Variants in WWP2 observed in about 807,000 individuals in gnomAD.
WWP2 encodes WW domain containing E3 ubiquitin protein ligase 2.
Under a neutral mutation model 121.0 loss-of-function variants are expected in WWP2, and 57 were observed. That is an observed-to-expected ratio of 0.47 (90% CI 0.38 to 0.59). The LOEUF (loss-of-function observed/expected upper bound fraction) is 0.59, where lower values mean the gene tolerates loss of function less well. WWP2 is among the 20% of genes least tolerant of loss of function. WWP2 has a pLI of 0.00. For missense variants in WWP2, 962 were observed against 1,158.9 expected (o/e 0.83, Z 2.47); for synonymous variants, 449 against 441.3 (o/e 1.02, Z -0.22).
At chr16:69,895,053 C>T (rs1344729196) in intron 8 of WWP2, 1 of 152,206 alleles carries the variant, frequency 6.6e-6, no homozygotes, top group Non-Finnish European at 1.5e-5. Flanking sequence ...CTGGATCTTT[C>T]GGATTTGCCA....
At position 69,856,121 on chromosome 16, in the gene WWP2, A is replaced by G. The variant is rs147816344; in HGVS notation, c.575+14001A>G. On this transcript the variant is annotated intron_variant, in intron 6 of 23. Transcript: ENST00000359154. Reference sequence around the variant, plus strand: ...ACTCCCATCTCTAAAAAAGATGTATATTTATTTGGTCTGACAAATAAAAAG... The same window carrying G: ...ACTCCCATCTCTAAAAAAGATGTATGTTTATTTGGTCTGACAAATAAAAAG... 2.2e-3 allele frequency among the ~76,000 whole-genome samples: 333 copies of G among 152,282 alleles called. 2 individuals are homozygous for G. Among genetic ancestry groups the G allele is most frequent in the South Asian group, 5.6e-3 (27 of 4,826 alleles).
In WWP2 at chr16:69,776,604, C is replaced by T. The variant is rs184425084; in HGVS notation, c.-15-10392C>T. 7.6e-4 allele frequency among the ~76,000 whole-genome samples: 115 copies of T among 152,138 alleles called. 1 individual carries two copies. The highest frequency in any genetic ancestry group is 1.4e-3 in the Non-Finnish European group (97 of 67,988). On this transcript the variant is annotated intron_variant, in intron 1 of 23. Coordinates refer to ENST00000359154, the MANE Select transcript of WWP2 (RefSeq NM_001270454.2). ...CAGCACTTTGGGAGGCCAAGGTGGG[C>T]GGATCACCTGAGGTCAGGTGTTCGA... is the stretch of plus-strand genomic sequence containing the variant.
At chr16:69,836,348 A>G (rs2056876737) in intron 4 of WWP2, among the ~76,000 whole-genome samples, 1 of 151,264 alleles carries the variant, frequency 6.6e-6, no homozygotes, top group East Asian at 1.9e-4. Flanking sequence ...GGAGTTCAGG[A>G]CAGTTATTGT....
At chr16:69,823,387 C>T (rs1703702597) in intron 4 of WWP2, among the ~76,000 whole-genome samples, 1 of 152,000 alleles carries the variant, frequency 6.6e-6, no homozygotes, top group Admixed American at 6.6e-5. Flanking sequence ...GAGGTTGAGT[C>T]CCTGGAGAAA....
chr16:69,795,259 T>TACACAC (rs10578834), intron 2 of WWP2, among the ~76,000 whole-genome samples: 2,363 of 93,042 alleles, frequency 0.025, 127 homozygotes, highest in Admixed American at 0.17. Flanking sequence ...AAAATGCGGA[T>TACACAC]ACACACACAC....
chr16:69,896,351 G>C (rs1173335073), intron 8 of WWP2, among the ~76,000 whole-genome samples: 1 of 152,086 alleles, frequency 6.6e-6, no homozygotes, highest in South Asian at 2.1e-4. Context: ...ACTCTTGGAG[G>C]CTCAAGCGAT....
At chr16:69,898,866 G>A (rs1390753002) in intron 8 of WWP2, among the ~76,000 whole-genome samples, 9 of 152,148 alleles carry the variant, frequency 5.9e-5, no homozygotes, top group Admixed American at 5.9e-4. Context: ...ACCACTCCCA[G>A]ATACTTTTTC....
chr16:69,881,603 TG>T (rs554233786), intron 7 of WWP2, among the ~76,000 whole-genome samples: 325 of 152,366 alleles, frequency 2.1e-3, no homozygotes, highest in African/African-American at 7.4e-3. Flanking sequence ...GGAAACTGGG[TG>T]AAGACCATAC....
chr16:69,781,964 GC>G (rs1037383963), intron 1 of WWP2, among the ~76,000 whole-genome samples: 2 of 152,002 alleles, frequency 1.3e-5, no homozygotes, highest in African/African-American at 4.8e-5. Flanking sequence ...CCTCTTCAAG[GC>G]CCCACCTCTC....
chr16:69,800,792 T>G (rs1186366837), intron 4 of WWP2, among the ~76,000 whole-genome samples: 1 of 151,508 alleles, frequency 6.6e-6, no homozygotes, highest in African/African-American at 2.4e-5. Flanking sequence ...CTTGAACTCC[T>G]GACCTCAGGT....
intron 19 of WWP2, chr16:69,936,723 C>G (rs953909321): frequency 1.7e-5 from 9 of 530,742 alleles, no homozygotes; most frequent in African/African-American, 1.5e-4. Flanking sequence ...TGGCATCAAG[C>G]TGAGACATCT....
intron 7 of WWP2, among the ~76,000 whole-genome samples, chr16:69,881,139 C>CTGCTTACTGCTTACTGCTTACTG (rs2057821476): frequency 6.6e-6 from 1 of 152,182 alleles, no homozygotes; most frequent in South Asian, 2.1e-4. Flanking sequence ...TTACTGCTTA[C>CTGCTTACTGCTTACTGCTTACTG]CATTTGGTAC....
At chr16:69,849,478 TATTTATTCATTCATTC>T (rs1190320797) in intron 6 of WWP2, among the ~76,000 whole-genome samples, 2 of 75,160 alleles carry the variant, frequency 2.7e-5, no homozygotes, top group African/African-American at 1.0e-4. Flanking sequence ...TTTATTTATT[TATTTATTCATTCATTC>T]ATTCATTCAT....
At chr16:69,879,543 G>A (rs8047682) in intron 7 of WWP2, among the ~76,000 whole-genome samples, 96,826 of 152,088 alleles carry the variant, frequency 0.64, 31,567 homozygotes, top group East Asian at 0.9. Flanking sequence ...TGTAGCGTGT[G>A]TCAGAATTTC....
At chr16:69,898,437 A>G (rs753044595) in intron 8 of WWP2, among the ~76,000 whole-genome samples, 8 of 152,166 alleles carry the variant, frequency 5.3e-5, no homozygotes, top group Non-Finnish European at 1.0e-4. Context: ...TAACCAATTC[A>G]TACTCCTGTG....
chr16:69,844,706 T>C (rs2151878488), intron 6 of WWP2, among the ~76,000 whole-genome samples: 1 of 152,304 alleles, frequency 6.6e-6, no homozygotes, highest in East Asian at 1.9e-4. Flanking sequence ...GTGGTAGACA[T>C]TCAGTGCTAG....
intron 7 of WWP2, among the ~76,000 whole-genome samples, chr16:69,873,954 A>T (rs1264111329): frequency 6.6e-6 from 1 of 152,098 alleles, no homozygotes. Flanking sequence ...TGTTGTCCTT[A>T]TCTCTAGGAA....
intron 9 of WWP2, among the ~76,000 whole-genome samples, chr16:69,915,092 T>C (rs1384231761): frequency 1.3e-5 from 2 of 152,190 alleles, no homozygotes; most frequent in African/African-American, 4.8e-5. Context: ...GAGGGAGAGA[T>C]GTGGCCGAGA....
rs148061240 is a variant in WWP2 at position 69,816,729 on chromosome 16, A to G, written c.340+17434A>G. ...TACATGTACACATGTACATACACAC[A>G]TGCACACGTATACATATACACACGT... On this transcript the variant is annotated intron_variant, in intron 4 of 23. Transcript: ENST00000359154. Among the ~76,000 whole-genome samples the G allele has an allele frequency of 2.2e-3, 338 of 152,252 alleles. 2 individuals carry two copies. Among genetic ancestry groups the G allele is most frequent in the South Asian group, 5.6e-3 (27 of 4,830 alleles).
Sources: allele counts gnomAD v4.1 joint callset (sites outside exome capture counted in the v4.1 genomes callset), GRCh38; gene constraint gnomAD v4.1.1; transcripts MANE v1.5; gene names NCBI Gene and HGNC (gene_info 2026-07-23, HGNC 2026-07-21).